The following TBC1D32 variants were observed in gnomAD, a reference collection of about 807,000 sequenced individuals.
TBC1D32 encodes TBC1 domain family member 32, also known as protein broad-minded.
Under a neutral mutation model 170.3 loss-of-function variants are expected in TBC1D32, and 151 were observed. The ratio of observed to expected loss-of-function variants is 0.89; its 90% CI spans 0.78 to 1.01. TBC1D32 has a LOEUF of 1.01. TBC1D32 is among the 50% of genes least tolerant of loss of function. The probability of loss-of-function intolerance (pLI) is 0.00; values close to 1 mark genes in which losing one functional copy is unlikely to be tolerated. For missense variants in TBC1D32, 1,464 were observed against 1,457.1 expected, an observed-to-expected ratio of 1.00 and a Z score of -0.08; for synonymous variants, 498 against 488.0, an observed-to-expected ratio of 1.02 and a Z score of -0.27.
intron 12 of TBC1D32, among the ~76,000 whole-genome samples, chr6:121,285,415 A>C (rs1036951915): frequency 6.6e-6 from 1 of 152,186 alleles, no homozygotes; most frequent in Non-Finnish European, 1.5e-5. Context: ...GTCATCTACC[A>C]GGAAAATTCA....
intron 17 of TBC1D32, among the ~76,000 whole-genome samples, chr6:121,247,811 T>C (rs755499151): frequency 2.1e-4 from 31 of 150,978 alleles, no homozygotes; most frequent in Non-Finnish European, 2.8e-4. Flanking sequence ...AGCTCCCACA[T>C]TTATAAAACC....
intron 15 of TBC1D32, among the ~76,000 whole-genome samples, chr6:121,277,584 T>A (rs917680308): frequency 5.4e-5 from 8 of 148,234 alleles, no homozygotes; most frequent in African/African-American, 2.0e-4. Flanking sequence ...ATACAACTTA[T>A]CAAAACTATG....
intron 24 of TBC1D32, among the ~76,000 whole-genome samples, chr6:121,148,123 T>C (rs375521173): frequency 6.6e-6 from 1 of 152,204 alleles, no homozygotes; most frequent in East Asian, 1.9e-4. Context: ...CTCCTAATGC[T>C]ATCCCACCCC....
rs779832131 is a variant in TBC1D32 at position 121,126,401 on chromosome 6, T to G, written c.2960A>C (p.Tyr987Ser). ...LHLTESPSEC[Y>S]FPSVEYTATD... Reference sequence around the variant, plus strand: ...ACCTGTATACTCCACTGAAGGGAAGTAGCATTCAGATGGGCTTTCAGTGAG... The same window carrying G: ...ACCTGTATACTCCACTGAAGGGAAGGAGCATTCAGATGGGCTTTCAGTGAG... Residue 987 changes from tyrosine to serine, a missense_variant, in exon 26 of 32, where the codon TAC becomes TCC. Coordinates refer to ENST00000398212, the MANE Select transcript of TBC1D32 (RefSeq NM_152730.6). 3.1e-6 allele frequency: 5 copies of G among 1,612,818 alleles called. No individual in the cohort carries two copies. The highest frequency in any genetic ancestry group is 4.2e-6 in the Non-Finnish European group (5 of 1,179,368).
intron 30 of TBC1D32, among the ~76,000 whole-genome samples, chr6:121,100,917 C>T (rs542699010): frequency 2.6e-5 from 4 of 152,136 alleles, no homozygotes; most frequent in African/African-American, 7.2e-5. Flanking sequence ...CAACACCGAT[C>T]CCACAGAAAT....
chr6:121,092,399 A>C (rs980529079), intron 30 of TBC1D32, among the ~76,000 whole-genome samples: 1 of 148,552 alleles, frequency 6.7e-6, no homozygotes, highest in South Asian at 2.1e-4. Flanking sequence ...ATACAGATAT[A>C]CAAAATTTCC....
Position 121,080,699 on chromosome 6 carries a change from A to G in TBC1D32, c.*72T>C, listed in dbSNP as rs1775551605. 2.0e-6 allele frequency: 3 copies of G among 1,518,162 alleles called. No individual in the cohort carries two copies. The African/African-American group carries it at 4.2e-5, about 21-fold the overall frequency. The allele number at this position is 1,518,162 out of a possible 1,614,324, so 94.0% of individuals were successfully genotyped here. A position where few individuals can be genotyped will look rare whatever the true frequency, so the allele number is the denominator to read the frequency against. ...ACAAAGTAAATGTTGTTACAGACACAGAAAAACATCAAGCCCCCCTGCTGT... is the reference window on the plus strand; with the variant it reads ...ACAAAGTAAATGTTGTTACAGACACGGAAAAACATCAAGCCCCCCTGCTGT... On this transcript the variant is annotated 3_prime_UTR_variant, in exon 32 of 32. Coordinates refer to ENST00000398212, the MANE Select transcript of TBC1D32 (RefSeq NM_152730.6).
intron 17 of TBC1D32, among the ~76,000 whole-genome samples, chr6:121,248,810 A>T (rs1350794972): frequency 2.0e-5 from 3 of 151,582 alleles, no homozygotes; most frequent in East Asian, 3.9e-4. Context: ...ATCAGCAATT[A>T]AAAAAAACTG....
intron 10 of TBC1D32, among the ~76,000 whole-genome samples, chr6:121,298,530 C>T (rs1003331456): frequency 3.3e-5 from 5 of 152,092 alleles, no homozygotes; most frequent in East Asian, 3.9e-4. Flanking sequence ...AAAGCAACAA[C>T]AAATTTTTAT....
intron 22 of TBC1D32, among the ~76,000 whole-genome samples, chr6:121,177,778 A>G (rs1229141730): frequency 6.6e-6 from 1 of 152,108 alleles, no homozygotes; most frequent in Non-Finnish European, 1.5e-5. Context: ...ATTGGGCCCT[A>G]CCCCCAAGAT....
rs200797591 is a variant in TBC1D32, at chr6:121,126,382, A to G, written c.2979T>C (p.Tyr993=). 2.2e-5 allele frequency: 36 copies of G among 1,609,938 alleles called. No individual in the cohort carries two copies. The highest frequency in any genetic ancestry group is 1.0e-4 in the Admixed American group (6 of 59,568). ...PSECYFPSVE[Y]TATDANVKNE... is the part of the protein sequence containing the mutation. ...TTCACAATGTTTAAAATGTACCTGTATACTCCACTGAAGGGAAGTAGCATT... is the reference window on the plus strand; with the variant it reads ...TTCACAATGTTTAAAATGTACCTGTGTACTCCACTGAAGGGAAGTAGCATT... The change falls in exon 26 of 32, where the codon TAT becomes TAC. Residue 993 remains tyrosine, a synonymous_variant. Transcript: ENST00000398212.
intron 12 of TBC1D32, among the ~76,000 whole-genome samples, chr6:121,286,188 C>A (rs544193639): frequency 6.6e-6 from 1 of 151,978 alleles, no homozygotes. Context: ...TCAAACTACT[C>A]CAAACTAAAG....
At chr6:121,230,904 C>T (rs761911581) in intron 20 of TBC1D32, among the ~76,000 whole-genome samples, 2 of 151,998 alleles carry the variant, frequency 1.3e-5, no homozygotes, top group Non-Finnish European at 2.9e-5. Flanking sequence ...GTAGTGTACC[C>T]TGTACCCAGT....
chr6:121,083,051 A>T (rs897601486), intron 31 of TBC1D32, among the ~76,000 whole-genome samples: 4 of 151,956 alleles, frequency 2.6e-5, no homozygotes, highest in African/African-American at 9.7e-5. Context: ...ATGTTCTCTA[A>T]TGGCCTTTTT....
At chr6:121,142,194 C>T (rs1782881177) in intron 24 of TBC1D32, among the ~76,000 whole-genome samples, 1 of 152,234 alleles carries the variant, frequency 6.6e-6, no homozygotes, top group African/African-American at 2.4e-5. Context: ...ATACCTTTGT[C>T]TAAGTACTCC....
chr6:121,326,030 T>C (rs997423908), intron 1 of TBC1D32, among the ~76,000 whole-genome samples: 25 of 152,212 alleles, frequency 1.6e-4, no homozygotes, highest in Non-Finnish European at 1.5e-4. Flanking sequence ...ATGCTCATTA[T>C]CACTGGTCAT....
chr6:121,268,295 G>A (rs1234201646), intron 15 of TBC1D32, among the ~76,000 whole-genome samples: 2 of 151,692 alleles, frequency 1.3e-5, no homozygotes, highest in African/African-American at 4.8e-5. Flanking sequence ...TCAGATGATC[G>A]GTAATAACAA....
At chr6:121,312,319 CCTGCACATT>C (rs1252546549) in intron 3 of TBC1D32, among the ~76,000 whole-genome samples, 91 of 152,276 alleles carry the variant, frequency 6.0e-4, no homozygotes, top group African/African-American at 1.9e-3. Context: ...ATGTAACTAA[CCTGCACATT>C]CTGCACATGT....
chr6:121,242,140 T>C (rs1431398857), intron 18 of TBC1D32, 61 bp downstream of exon 18: 6 of 1,534,676 alleles, frequency 3.9e-6, no homozygotes, highest in Admixed American at 1.9e-5. Context: ...CAGAATGATG[T>C]TCTTAATGGC....
Sources: allele counts gnomAD v4.1 joint callset (sites outside exome capture counted in the v4.1 genomes callset), GRCh38; gene constraint gnomAD v4.1.1; transcripts MANE v1.5; gene names NCBI Gene and HGNC (gene_info 2026-07-23, HGNC 2026-07-21).